The following TMX3 variants were observed in gnomAD, a reference collection of about 807,000 sequenced individuals.
TMX3 encodes the protein protein disulfide-isomerase TMX3.
A neutral mutation model predicts 64.4 loss-of-function variants in TMX3; 40 were observed. That is an observed-to-expected ratio of 0.62 (90% CI 0.48 to 0.81). The LOEUF is 0.81. Among genes scored for constraint, TMX3 ranks in the 30% least tolerant of loss-of-function variants. The pLI, the probability that TMX3 is intolerant of heterozygous loss-of-function variation, is 0.00. For missense variants in TMX3, 497 were observed against 534.5 expected (o/e 0.93, Z 0.69); for synonymous variants, 189 against 175.7 (o/e 1.08, Z -0.60).
chr18:68,703,987 A>G lies in TMX3; in HGVS notation c.266-2197T>C, dbSNP rs529757616. ...AAAAAGCAAACAAAGCGGGAGTTAT[A>G]AACACATAATGACCCCAGTTAGGAC... On this transcript the variant is annotated intron_variant, in intron 4 of 15. Transcript: ENST00000299608. Among the ~76,000 whole-genome samples, 25 of 152,214 alleles carry G rather than the reference A, an allele frequency of 1.6e-4. No individual in the cohort carries two copies. The South Asian group carries it at 5.2e-3, about 32-fold the overall frequency.
chr18:68,695,608 G>A (rs1243393635), intron 8 of TMX3, among the ~76,000 whole-genome samples: 2 of 152,080 alleles, frequency 1.3e-5, no homozygotes, highest in Non-Finnish European at 2.9e-5. Flanking sequence ...ACATCTAAGA[G>A]TCACCCTCAA....
intron 10 of TMX3, among the ~76,000 whole-genome samples, chr18:68,685,709 A>G (rs1913884193): frequency 6.6e-6 from 1 of 152,226 alleles, no homozygotes; most frequent in South Asian, 2.1e-4. Context: ...CGCTTGTGAA[A>G]GCACAACACA....
At chr18:68,677,411 G>C (rs569595985) in intron 15 of TMX3, among the ~76,000 whole-genome samples, 16 of 152,036 alleles carry the variant, frequency 1.1e-4, no homozygotes, top group Non-Finnish European at 2.1e-4. Flanking sequence ...TGCAGAACCA[G>C]CTATTAGCAA....
intron 2 of TMX3, among the ~76,000 whole-genome samples, chr18:68,712,399 C>T (rs1290973294): frequency 6.6e-6 from 1 of 152,162 alleles, no homozygotes; most frequent in Non-Finnish European, 1.5e-5. Flanking sequence ...ACAACTGTCG[C>T]AGTCCATGCA....
At chr18:68,707,374 G>A (rs1325839199) in intron 4 of TMX3, among the ~76,000 whole-genome samples, 1 of 152,092 alleles carries the variant, frequency 6.6e-6, no homozygotes, top group Middle Eastern at 3.2e-3. Context: ...TTTAAAAATA[G>A]CATTTAAAAC....
At chr18:68,689,058 A>G (rs532597515) in intron 9 of TMX3, 2 of 152,330 alleles carry the variant, frequency 1.3e-5, no homozygotes, top group South Asian at 4.1e-4. Flanking sequence ...ATAAAAGCTG[A>G]AATTATATAT....
Position 68,681,061 on chromosome 18 carries a change from A to G in TMX3, c.955T>C (p.Tyr319His), listed in dbSNP as rs761447822. The G allele has an allele frequency of 6.2e-7, 1 of 1,602,754 alleles. No homozygotes were observed. Among genetic ancestry groups the G allele is most frequent in the Non-Finnish European group, 8.5e-7 (1 of 1,174,944 alleles). Reference sequence around the variant, plus strand: ...TTAATCTGTCTATCTAGCAAGAAATATTGCTGGTTTGAAGTATTCAGTACA... The same window carrying G: ...TTAATCTGTCTATCTAGCAAGAAATGTTGCTGGTTTGAAGTATTCAGTACA... ...VVVLNTSNQQ[Y>H]FLLDRQIKNV... is the part of the protein sequence containing the mutation. Residue 319 changes from tyrosine to histidine, a missense_variant, in exon 14 of 16, where the codon TAT (tyrosine) becomes CAT (histidine). Transcript: ENST00000299608.
chr18:68,708,395 T>C (rs1165364133), intron 4 of TMX3, among the ~76,000 whole-genome samples: 2 of 152,156 alleles, frequency 1.3e-5, no homozygotes, highest in South Asian at 2.1e-4. Context: ...TTAAAACTGA[T>C]ATTTTGTATA....
At chr18:68,679,721 C>A in intron 14 of TMX3, 190 bp from the exon 15 acceptor site, 1 of 532,490 alleles carries the variant, frequency 1.9e-6, no homozygotes. Context: ...CTCCTGCCTG[C>A]TTGTGTTAAT....
chr18:68,710,055 A>C lies in TMX3; in HGVS notation c.231T>G (p.Val77=). The C allele has an allele frequency of 6.3e-7, 1 of 1,597,336 alleles. No individual in the cohort carries two copies. The highest frequency in any genetic ancestry group is 1.1e-5 in the South Asian group (1 of 87,720). The change falls in exon 4 of 16, where the codon GTT becomes GTG. Residue 77 remains valine, a synonymous_variant. Transcript: ENST00000299608. ...GLEMKSIGSP[V]KVGKMDATSY... ...AAGTAGCATCCATCTTTCCAACCTT[A>C]ACTGGAGAACCAATGCTTTTCATCT...
In TMX3 at chr18:68,679,466, A is replaced by G. The variant is rs140234900; in HGVS notation, c.1101T>C (p.Ile367=). The G allele has an allele frequency of 5.0e-6, 8 of 1,611,500 alleles. No homozygotes were observed. In the African/African-American group the frequency reaches 1.1e-4, roughly 22 times the overall value. ...KRIVFDAKST[I]VSIFKSSPLM... is the part of the protein sequence containing the mutation. The stretch of plus-strand genomic sequence containing the variant: ...GACATAAACTGTCACAACTTACCAC[A>G]ATAGTAGATTTGGCATCAAATACTA... The change falls in exon 15 of 16, where the codon ATT becomes ATC. Residue 367 remains isoleucine, a synonymous_variant. Coordinates refer to ENST00000299608, the MANE Select transcript of TMX3 (RefSeq NM_019022.5).
chr18:68,676,669 T>G lies in TMX3; in HGVS notation c.*264A>C. ...CACAGAATATTCAGATAGAGAAACA[T>G]GCAAATAGAATTGTTCTGTTCTAAT... On this transcript the variant is annotated 3_prime_UTR_variant, in exon 16 of 16. Coordinates refer to ENST00000299608, the MANE Select transcript of TMX3 (RefSeq NM_019022.5). The G allele has an allele frequency of 2.5e-6, 1 of 395,454 alleles. No individual in the cohort carries two copies. Among genetic ancestry groups the G allele is most frequent in the Non-Finnish European group, 4.5e-6 (1 of 222,392 alleles). The allele number at this position is 395,454 out of a possible 1,614,324, so 24.5% of individuals were successfully genotyped here. A position where few individuals can be genotyped will look rare whatever the true frequency, so the allele number is the denominator to read the frequency against.
At chr18:68,698,175 T>C (rs1915302378) in intron 6 of TMX3, 144 bp from the exon 7 acceptor site, 2 of 613,446 alleles carry the variant, frequency 3.3e-6, no homozygotes, top group Non-Finnish European at 5.6e-6. Flanking sequence ...AAAATCCACA[T>C]GAATATAATA....
intron 13 of TMX3, 64 bp downstream of exon 13, chr18:68,682,861 T>A (rs908774937): frequency 1.1e-5 from 16 of 1,442,372 alleles, no homozygotes; most frequent in Non-Finnish European, 1.5e-5. Context: ...CTTCTACCTG[T>A]ATCTCAGAAA....
intron 9 of TMX3, 151 bp downstream of exon 9, chr18:68,691,143 TG>T: frequency 2.3e-6 from 1 of 437,300 alleles, no homozygotes; most frequent in Non-Finnish European, 4.1e-6. Flanking sequence ...AGTTGAAGGG[TG>T]AAAAAAAACC....
rs1912888251 is a variant in TMX3, at chr18:68,675,882, G to A, written c.*1051C>T. 6.6e-6 allele frequency: 1 copy of A among 152,122 alleles called. No individual in the cohort carries two copies. Among genetic ancestry groups the A allele is most frequent in the African/African-American group, 2.4e-5 (1 of 41,436 alleles). The allele number at this position is 152,122 out of a possible 1,614,324, so 9.4% of individuals were successfully genotyped here. Reference sequence around the variant, plus strand: ...CTGATCTCTTTTTTTTACACCGGATGTGACTTGTCACTGGACATGCTAATG... The same window carrying A: ...CTGATCTCTTTTTTTTACACCGGATATGACTTGTCACTGGACATGCTAATG... On this transcript the variant is annotated 3_prime_UTR_variant, in exon 16 of 16. Transcript: ENST00000299608.
chr18:68,701,381 G>T (rs1050003910), intron 5 of TMX3, among the ~76,000 whole-genome samples: 2 of 151,978 alleles, frequency 1.3e-5, no homozygotes, highest in Non-Finnish European at 2.9e-5. Flanking sequence ...CACTTTATTA[G>T]ACTTGATCAA....
At chr18:68,683,029 G>A (rs773997750) in intron 12 of TMX3, 48 bp from the exon 13 acceptor site, 6 of 1,541,212 alleles carry the variant, frequency 3.9e-6, no homozygotes, top group Non-Finnish European at 5.3e-6. Context: ...GAGGGGGTGG[G>A]GGGAGAGAGA....
At position 68,673,908 on chromosome 18, in the gene TMX3, G is replaced by C. The variant is rs1912721854; in HGVS notation, c.*3025C>G. 1 of 152,130 alleles carries C rather than the reference G, an allele frequency of 6.6e-6. No homozygotes were observed. The highest frequency in any genetic ancestry group is 2.4e-5 in the African/African-American group (1 of 41,438). The allele number at this position is 152,130 out of a possible 1,614,324, so 9.4% of individuals were successfully genotyped here. ...AATGTCAAGCCTAATCCCACCAATTGATAGTCTTAATATCCTACACTGGTT... is the reference window on the plus strand; with the variant it reads ...AATGTCAAGCCTAATCCCACCAATTCATAGTCTTAATATCCTACACTGGTT... On this transcript the variant is annotated 3_prime_UTR_variant, in exon 16 of 16. Transcript: ENST00000299608.
Sources: allele counts gnomAD v4.1 joint callset (sites outside exome capture counted in the v4.1 genomes callset), GRCh38; gene constraint gnomAD v4.1.1; transcripts MANE v1.5; gene names NCBI Gene and HGNC (gene_info 2026-07-23, HGNC 2026-07-21).